The following SCN3A variants were observed in gnomAD, a reference collection of about 807,000 sequenced individuals.
SCN3A encodes sodium voltage-gated channel alpha subunit 3, also known as sodium channel protein type 3 subunit alpha.
A neutral mutation model predicts 187.6 loss-of-function variants in SCN3A; 60 were observed. The observed-to-expected ratio is 0.32, with a 90% CI of 0.26 to 0.40. The LOEUF (loss-of-function observed/expected upper bound fraction) is 0.40, where lower values mean the gene tolerates loss of function less well. Among genes scored for constraint, SCN3A ranks in the 10% least tolerant of loss-of-function variants. The pLI is 1.00. For missense variants in SCN3A, 1,601 were observed against 2,428.2 expected (o/e 0.66, Z 7.16); for synonymous variants, 788 against 829.2 (o/e 0.95, Z 0.85).
At chr2:165,102,355 T>A (rs1393587901) in intron 21 of SCN3A, among the ~76,000 whole-genome samples, 1 of 152,010 alleles carries the variant, frequency 6.6e-6, no homozygotes, top group Non-Finnish European at 1.5e-5. Context: ...AACAAAAAAA[T>A]TTAAAAAATG....
At chr2:165,102,573 G>A (rs1182460401) in intron 21 of SCN3A, among the ~76,000 whole-genome samples, 1 of 152,106 alleles carries the variant, frequency 6.6e-6, no homozygotes, top group African/African-American at 2.4e-5. Flanking sequence ...GTTCAGGAAA[G>A]ATAGGAAGTC....
chr2:165,179,091 G>A (rs1480353924), intron 2 of SCN3A, among the ~76,000 whole-genome samples: 2 of 151,766 alleles, frequency 1.3e-5, no homozygotes, highest in African/African-American at 4.8e-5. Flanking sequence ...TGACAAACAT[G>A]TCTTAAGGAA....
chr2:165,118,997 C>A (rs915505183), intron 18 of SCN3A, among the ~76,000 whole-genome samples: 1 of 150,902 alleles, frequency 6.6e-6, no homozygotes, highest in African/African-American at 2.4e-5. Flanking sequence ...CTCCTGACTT[C>A]GTGATCAGCC....
rs546874758 is a variant in SCN3A at position 165,122,104 on chromosome 2, G to C, written c.3393+5527C>G. Among the ~76,000 whole-genome samples the C allele has an allele frequency of 3.4e-4, 52 of 151,814 alleles. 2 individuals are homozygous for C. Among genetic ancestry groups the C allele is most frequent in the Non-Finnish European group, 6.3e-4 (43 of 67,944 alleles). ...TTACAATGATCACTATGGTTTTGCA[G>C]ACATAACTTTTCCCAACCTACATGA... On this transcript the variant is annotated intron_variant, in intron 18 of 27. Coordinates refer to ENST00000283254, the MANE Select transcript of SCN3A (RefSeq NM_006922.4).
In SCN3A at chr2:165,097,393, G is replaced by A. The variant is rs2105648634; in HGVS notation, c.4098C>T (p.Asn1366=). The change falls in exon 23 of 28, where the codon AAC becomes AAT. Residue 1366 remains asparagine (N), a synonymous_variant. Coordinates refer to ENST00000283254, the MANE Select transcript of SCN3A (RefSeq NM_006922.4). ...LFAGKFYHCV[N]MTTGNMFDIS... ...TGTCAAACATGTTACCCGTTGTCAT[G>A]TTAACACAGTGGTAGAACTTGCCAG... 1.2e-6 allele frequency: 2 copies of A among 1,614,046 alleles called. No individual in the cohort carries two copies. Among genetic ancestry groups the A allele is most frequent in the Non-Finnish European group, 1.7e-6 (2 of 1,179,984 alleles).
intron 2 of SCN3A, among the ~76,000 whole-genome samples, chr2:165,184,804 T>G (rs1691126502): frequency 6.6e-6 from 1 of 152,192 alleles, no homozygotes; most frequent in African/African-American, 2.4e-5. Flanking sequence ...GCTAGCTTCT[T>G]CTATGTCAGG....
At chr2:165,115,107 G>A (rs537554192) in intron 19 of SCN3A, among the ~76,000 whole-genome samples, 1 of 152,092 alleles carries the variant, frequency 6.6e-6, no homozygotes, top group Non-Finnish European at 1.5e-5. Flanking sequence ...AGGCTGAAGT[G>A]CAGTGGCATA....
At chr2:165,151,951 A>G (rs2105851044) in intron 11 of SCN3A, among the ~76,000 whole-genome samples, 1 of 152,288 alleles carries the variant, frequency 6.6e-6, no homozygotes, top group East Asian at 1.9e-4. Flanking sequence ...TTGATTCACT[A>G]GTGAGGAATA....
At chr2:165,179,049 C>T (rs1320048790) in intron 2 of SCN3A, among the ~76,000 whole-genome samples, 1 of 151,910 alleles carries the variant, frequency 6.6e-6, no homozygotes, top group African/African-American at 2.4e-5. Flanking sequence ...GGCTGTGGCT[C>T]TTCTCCAGTG....
At chr2:165,107,473 G>A (rs1467737384) in intron 21 of SCN3A, among the ~76,000 whole-genome samples, 4 of 152,126 alleles carry the variant, frequency 2.6e-5, no homozygotes, top group Non-Finnish European at 4.4e-5. Flanking sequence ...AATATGAAAT[G>A]ACAATAATTT....
At chr2:165,137,657 C>T (rs1687747002) in intron 15 of SCN3A, among the ~76,000 whole-genome samples, 1 of 152,052 alleles carries the variant, frequency 6.6e-6, no homozygotes, top group Non-Finnish European at 1.5e-5. Context: ...TGGTAAGACA[C>T]CATGATCAAT....
rs1574091364 is a variant in SCN3A at position 165,092,269 on chromosome 2, T to C, written c.4792A>G (p.Ile1598Val). 4.3e-6 allele frequency: 7 copies of C among 1,613,992 alleles called. No individual in the cohort carries two copies. Among genetic ancestry groups the C allele is most frequent in the African/African-American group, 1.3e-5 (1 of 75,032 alleles). ...CTGTTCTTACCTACAATGGAGAGAA[T>C]CACCACCACAAAGTCAAAGATGTTC... is the stretch of plus-strand genomic sequence containing the variant. ...GWNIFDFVVV[I>V]LSIVGMFLAE... Residue 1598 changes from isoleucine (I) to valine (V), a missense_variant, in exon 27 of 28, where the codon ATT becomes GTT. Coordinates refer to ENST00000283254, the MANE Select transcript of SCN3A (RefSeq NM_006922.4). This position sits in a 1 kb window ranked among gnomAD's most constrained non-coding sequence, Gnocchi z 4.2.
At position 165,101,313 on chromosome 2, in the gene SCN3A, C is replaced by CT. The variant is rs569646005; in HGVS notation, c.3844-890dup. Among the ~76,000 whole-genome samples the CT allele has an allele frequency of 1.8e-4, 27 of 152,112 alleles. No homozygotes were observed. The East Asian group carries it at 4.6e-3, about 26-fold the overall frequency. On this transcript the variant is annotated intron_variant, in intron 21 of 27. Transcript: ENST00000283254. ...TATGAAAGATCAAAGAAGACATGTC[C>CT]TTTTTTGGGGGAGGAAGTTTATTTG...
intron 18 of SCN3A, among the ~76,000 whole-genome samples, chr2:165,126,600 G>A (rs113823555): frequency 5.8e-5 from 5 of 86,730 alleles, no homozygotes; most frequent in Non-Finnish European, 8.6e-5. Flanking sequence ...CCCTCCCTTC[G>A]TTCCTTCCTT....
At chr2:165,169,738 C>T (rs900009526) in intron 4 of SCN3A, among the ~76,000 whole-genome samples, 2 of 151,866 alleles carry the variant, frequency 1.3e-5, no homozygotes, top group African/African-American at 4.8e-5. Context: ...AATTCCCATT[C>T]TTGAACACTG....
At chr2:165,160,885 C>T (rs1689322556) in intron 9 of SCN3A, among the ~76,000 whole-genome samples, 1 of 152,100 alleles carries the variant, frequency 6.6e-6, no homozygotes, top group African/African-American at 2.4e-5. Flanking sequence ...AAGTAATCCC[C>T]CTGCCTCTGC....
intron 12 of SCN3A, among the ~76,000 whole-genome samples, chr2:165,142,076 G>T (rs1429591379): frequency 6.6e-6 from 1 of 152,070 alleles, no homozygotes; most frequent in African/African-American, 2.4e-5. Context: ...CAGAATATTT[G>T]TTTTCTCCCC....
chr2:165,180,090 A>C (rs377729277), intron 2 of SCN3A, among the ~76,000 whole-genome samples: 10 of 152,290 alleles, frequency 6.6e-5, no homozygotes, highest in Middle Eastern at 3.4e-3. Context: ...TTAACTAAAA[A>C]CCAAAAAGCC....
At chr2:165,114,702 CAA>C (rs1686276009) in intron 19 of SCN3A, among the ~76,000 whole-genome samples, 1 of 152,190 alleles carries the variant, frequency 6.6e-6, no homozygotes, top group South Asian at 2.1e-4. Flanking sequence ...AGTTACATCT[CAA>C]AACAGCTCTA....
Sources: allele counts gnomAD v4.1 joint callset (sites outside exome capture counted in the v4.1 genomes callset), GRCh38; gene constraint gnomAD v4.1.1; non-coding constraint Gnocchi (gnomAD v3.1); transcripts MANE v1.5; gene names NCBI Gene and HGNC (gene_info 2026-07-23, HGNC 2026-07-21).